The following RARB variants were observed in gnomAD, a reference collection of about 807,000 sequenced individuals.
The protein encoded by RARB is HBV-activated protein.
A neutral mutation model predicts 51.9 loss-of-function variants in RARB; 17 were observed. The ratio of observed to expected loss-of-function variants is 0.33; its 90% CI spans 0.22 to 0.49. RARB has a LOEUF of 0.49. Ranked by LOEUF, RARB falls within the 20% of genes least tolerant of loss-of-function variation. RARB has a pLI of 0.99. For missense variants in RARB, 369 were observed against 550.8 expected (o/e 0.67, Z 3.30); for synonymous variants, 215 against 195.4 (o/e 1.10, Z -0.84).
chr3:25,151,716 C>G (rs959373250), intron 4 of RARB, among the ~76,000 whole-genome samples: 1 of 152,144 alleles, frequency 6.6e-6, no homozygotes, highest in African/African-American at 2.4e-5. Flanking sequence ...ATGGACCAAT[C>G]GGATGGGCGG....
chr3:25,391,008 G>A (rs1706938271), intron 5 of RARB, among the ~76,000 whole-genome samples: 1 of 152,072 alleles, frequency 6.6e-6, no homozygotes, highest in South Asian at 2.1e-4. Flanking sequence ...CCCAAGCAGT[G>A]CACACTGTTC....
In RARB at chr3:25,572,087, T is replaced by G. The variant is rs571095989; in HGVS notation, c.609+2169T>G. On this transcript the variant is annotated intron_variant, in intron 4 of 7. Transcript: ENST00000330688. ...GTATCAAGGTGAGGGCGTCTTGACCTAAGAAATGAGGGAACTCAGGCTGGC... is the reference window on the plus strand; with the variant it reads ...GTATCAAGGTGAGGGCGTCTTGACCGAAGAAATGAGGGAACTCAGGCTGGC... 2.0e-5 allele frequency among the ~76,000 whole-genome samples: 3 copies of G among 152,212 alleles called. 1 individual carries two copies. In the East Asian group the frequency reaches 5.8e-4, roughly 29 times the overall value.
chr3:25,150,828 G>A (rs949064106), intron 4 of RARB, among the ~76,000 whole-genome samples: 3 of 152,180 alleles, frequency 2.0e-5, no homozygotes, highest in Non-Finnish European at 4.4e-5. Context: ...AGACAGGACC[G>A]CAGTGTTGGC....
chr3:25,471,933 C>G (rs558553124), intron 2 of RARB, among the ~76,000 whole-genome samples: 1 of 152,116 alleles, frequency 6.6e-6, no homozygotes, highest in Admixed American at 6.5e-5. Flanking sequence ...TCATCAGCCC[C>G]CCTCTACCTT....
chr3:24,958,581 G>C (rs1235426963), intron 2 of RARB, among the ~76,000 whole-genome samples: 1 of 151,988 alleles, frequency 6.6e-6, no homozygotes, highest in Non-Finnish European at 1.5e-5. Flanking sequence ...CTTTCTTTCA[G>C]ACTGACTGTA....
chr3:24,890,311 C>T (rs982850622), intron 2 of RARB, among the ~76,000 whole-genome samples: 3 of 152,156 alleles, frequency 2.0e-5, no homozygotes, highest in Admixed American at 1.3e-4. Context: ...AGTCCCTGGC[C>T]ATGGAAGGTG....
rs1701853062 is a variant in RARB at position 25,596,759 on chromosome 3, A to G, written c.*143A>G. 1 of 673,680 alleles carries G rather than the reference A, an allele frequency of 1.5e-6. No homozygotes were observed. The highest frequency in any genetic ancestry group is 2.7e-5 in the East Asian group (1 of 36,574). 41.7% of individuals were successfully genotyped at this position (673,680 alleles called of 1,614,324 possible). A position where few individuals can be genotyped will look rare whatever the true frequency, so the allele number is the denominator to read the frequency against. Reference sequence around the variant, plus strand: ...GAAGGACCAAGAAGTTTTCATATGTATCAATATATATACTCCTCACTGTGT... The same window carrying G: ...GAAGGACCAAGAAGTTTTCATATGTGTCAATATATATACTCCTCACTGTGT... On this transcript the variant is annotated 3_prime_UTR_variant, in exon 8 of 8. Coordinates refer to ENST00000330688, the MANE Select transcript of RARB (RefSeq NM_000965.5).
At chr3:25,455,460 G>A (rs947867243) in intron 1 of RARB, among the ~76,000 whole-genome samples, 1 of 152,194 alleles carries the variant, frequency 6.6e-6, no homozygotes, top group Admixed American at 6.5e-5. Flanking sequence ...TAAAAGCAAT[G>A]AGTCCCATGA....
chr3:25,342,577 T>C (rs891434374), intron 5 of RARB, among the ~76,000 whole-genome samples: 1 of 152,054 alleles, frequency 6.6e-6, no homozygotes, highest in Non-Finnish European at 1.5e-5. Flanking sequence ...ACCAACCTTC[T>C]TTTTTTTATT....
intron 4 of RARB, among the ~76,000 whole-genome samples, chr3:25,136,057 G>A (rs553840714): frequency 1.3e-5 from 2 of 152,016 alleles, no homozygotes; most frequent in East Asian, 3.9e-4. Flanking sequence ...AACCTTCTTG[G>A]GTCTAGCAGC....
At chr3:25,553,288 G>C (rs1232320360) in intron 3 of RARB, among the ~76,000 whole-genome samples, 1 of 152,006 alleles carries the variant, frequency 6.6e-6, no homozygotes, top group Non-Finnish European at 1.5e-5. Context: ...GGTGGCCTCT[G>C]CCACTGGCGC....
chr3:24,889,632 T>C (rs112401910), intron 2 of RARB, among the ~76,000 whole-genome samples: 39 of 151,562 alleles, frequency 2.6e-4, no homozygotes, highest in African/African-American at 9.2e-4. Context: ...GGTATGTCTT[T>C]CTTCCCACCC....
chr3:24,833,354 G>C (rs1384909186), intron 1 of RARB: 1 of 152,102 alleles, frequency 6.6e-6, no homozygotes, highest in Non-Finnish European at 1.5e-5. Context: ...ATAAAGCTTG[G>C]ATCTTACCAA....
At chr3:25,346,923 A>G (rs1228577867) in intron 5 of RARB, among the ~76,000 whole-genome samples, 2 of 152,212 alleles carry the variant, frequency 1.3e-5, no homozygotes, top group Non-Finnish European at 2.9e-5. Context: ...CTCATAGGCT[A>G]TAGTCAAGTT....
intron 2 of RARB, among the ~76,000 whole-genome samples, chr3:25,048,123 C>T (rs1698254127): frequency 2.6e-5 from 4 of 152,218 alleles, no homozygotes; most frequent in African/African-American, 9.6e-5. Flanking sequence ...CTATAAACCT[C>T]TTTTTTATGT....
At chr3:24,878,543 A>C (rs946564449) in intron 2 of RARB, among the ~76,000 whole-genome samples, 1 of 152,164 alleles carries the variant, frequency 6.6e-6, no homozygotes, top group East Asian at 1.9e-4. Flanking sequence ...AGGACTCTCA[A>C]CATTGGCATT....
At chr3:25,058,973 A>T (rs1214999117) in intron 2 of RARB, among the ~76,000 whole-genome samples, 2 of 151,752 alleles carry the variant, frequency 1.3e-5, no homozygotes, top group African/African-American at 4.8e-5. Flanking sequence ...TTTTACCCAT[A>T]ATTCTACCAC....
chr3:25,155,529 C>G (rs1229346363), intron 4 of RARB, among the ~76,000 whole-genome samples: 3 of 152,190 alleles, frequency 2.0e-5, no homozygotes, highest in Non-Finnish European at 4.4e-5. Flanking sequence ...AATGACTGCT[C>G]CAGTGGCAAT....
chr3:25,342,004 G>A (rs925573773), intron 5 of RARB, among the ~76,000 whole-genome samples: 2 of 152,156 alleles, frequency 1.3e-5, no homozygotes, highest in Admixed American at 6.5e-5. Flanking sequence ...AAGAAGAAAT[G>A]TATGTATCTT....
Sources: gnomAD v4.1 joint callset for allele counts (sites outside exome capture counted in the v4.1 genomes callset) on GRCh38, gnomAD v4.1.1 for gene constraint, MANE v1.5 for transcripts, NCBI Gene and HGNC (gene_info 2026-07-23, HGNC 2026-07-21) for gene names.